The following FOXP2 variants were observed in gnomAD, a reference collection of about 807,000 sequenced individuals.
FOXP2 encodes the protein forkhead box protein P2.
Under a neutral mutation model 115.8 loss-of-function variants are expected in FOXP2, and 12 were observed. The ratio of observed to expected loss-of-function variants is 0.10; its 90% confidence interval spans 0.07 to 0.17. FOXP2 has a LOEUF of 0.17. FOXP2 is among the 10% of genes least tolerant of loss of function. FOXP2 has a pLI of 1.00. For synonymous variants in FOXP2, 328 were observed against 297.7 expected (o/e 1.10, Z -1.05); for missense variants, 629 against 843.5 (o/e 0.75, Z 3.15).
chr7:114,430,163 A>T (rs528769009), intron 2 of FOXP2, among the ~76,000 whole-genome samples: 2 of 151,822 alleles, frequency 1.3e-5, no homozygotes, highest in South Asian at 4.1e-4. Flanking sequence ...CATTTTTAAA[A>T]TGCATAATTT....
intron 2 of FOXP2, among the ~76,000 whole-genome samples, chr7:114,324,577 T>C (rs1402725231): frequency 1.3e-5 from 2 of 151,890 alleles, no homozygotes; most frequent in Non-Finnish European, 3.0e-5. Flanking sequence ...TCTAGTTGCA[T>C]ATGACATGTG....
chr7:114,239,615 G>C (rs1795100778), intron 1 of FOXP2, among the ~76,000 whole-genome samples: 1 of 152,130 alleles, frequency 6.6e-6, no homozygotes, highest in Non-Finnish European at 1.5e-5. Context: ...CAGTGAATGT[G>C]AATGCTAGAT....
At chr7:114,472,345 C>CTT (rs1164348933) in intron 2 of FOXP2, among the ~76,000 whole-genome samples, 25 of 137,800 alleles carry the variant, frequency 1.8e-4, no homozygotes, top group African/African-American at 4.2e-4. Context: ...TTTATAAATT[C>CTT]TTTTTTTTTT....
At chr7:114,185,344 G>T (rs1054310321) in intron 1 of FOXP2, among the ~76,000 whole-genome samples, 1 of 151,924 alleles carries the variant, frequency 6.6e-6, no homozygotes, top group Non-Finnish European at 1.5e-5. Context: ...TTTATTCCCC[G>T]TTCTGACAAT....
At position 114,352,865 on chromosome 7, in the gene FOXP2, T is replaced by TA. The variant is rs553408693; in HGVS notation, c.-11+64757dup. On this transcript the variant is annotated intron_variant, in intron 2 of 17. Transcript: ENST00000634411. ...AGAATAATTCTAATAGTTTAAAATT[T>TA]ATATTTACAGTGTTCTTCACAATAT... Among the ~76,000 whole-genome samples the TA allele has an allele frequency of 3.0e-3, 454 of 152,294 alleles. 1 individual carries two copies. The highest frequency in any genetic ancestry group is 0.011 in the South Asian group (55 of 4,828).
At chr7:114,142,359 A>G (rs760006643) in intron 1 of FOXP2, among the ~76,000 whole-genome samples, 9 of 152,190 alleles carry the variant, frequency 5.9e-5, no homozygotes, top group Admixed American at 5.2e-4. Flanking sequence ...TTTTAAGCTT[A>G]GGAAGCACAA....
At chr7:114,249,498 G>C (rs1490612458) in intron 1 of FOXP2, among the ~76,000 whole-genome samples, 1 of 152,014 alleles carries the variant, frequency 6.6e-6, no homozygotes, top group Non-Finnish European at 1.5e-5. Context: ...GTTTGGTGAG[G>C]ATAATGGCTT....
chr7:114,657,337 G>T (rs901310415), intron 10 of FOXP2, among the ~76,000 whole-genome samples: 1 of 152,046 alleles, frequency 6.6e-6, no homozygotes, highest in Non-Finnish European at 1.5e-5. Flanking sequence ...AAGTGACACT[G>T]TAATCATAAA....
chr7:114,155,201 C>G (rs1479323199), intron 1 of FOXP2, among the ~76,000 whole-genome samples: 1 of 152,052 alleles, frequency 6.6e-6, no homozygotes, highest in Non-Finnish European at 1.5e-5. Context: ...ATGGACCCAC[C>G]TCTCATCCAG....
At chr7:114,659,281 A>G in intron 11 of FOXP2, 75 bp from the exon 12 acceptor site, 1 of 1,070,444 alleles carries the variant, frequency 9.3e-7, no homozygotes. Flanking sequence ...TACCAATACT[A>G]GAGGAAATAT....
chr7:114,545,881 C>T (rs1799898802), intron 3 of FOXP2, among the ~76,000 whole-genome samples: 1 of 152,110 alleles, frequency 6.6e-6, no homozygotes, highest in African/African-American at 2.4e-5. Context: ...CCATCCTCAC[C>T]AGCACACACA....
chr7:114,684,694 C>A (rs993231131), intron 16 of FOXP2, among the ~76,000 whole-genome samples: 2 of 152,022 alleles, frequency 1.3e-5, no homozygotes, highest in African/African-American at 4.8e-5. Flanking sequence ...CAGATTAAAC[C>A]AGGAAAATCT....
chr7:114,399,388 G>A (rs542771090), intron 2 of FOXP2, among the ~76,000 whole-genome samples: 1 of 152,074 alleles, frequency 6.6e-6, no homozygotes, highest in Non-Finnish European at 1.5e-5. Flanking sequence ...GATTACAGGT[G>A]TGAGCCAATG....
rs541540533 is a variant in FOXP2 at position 114,448,021 on chromosome 7, T to A, written c.168+21342T>A. Among the ~76,000 whole-genome samples, 50 of 152,268 alleles carry A rather than the reference T, an allele frequency of 3.3e-4. 1 individual carries two copies. In the South Asian group the frequency reaches 8.3e-3, roughly 25 times the overall value. ...AAAAATGTATTTAATCTGTTCACTGTCACTTATAGATTGAGTATAAAATAA... is the reference window on the plus strand; with the variant it reads ...AAAAATGTATTTAATCTGTTCACTGACACTTATAGATTGAGTATAAAATAA... On this transcript the variant is annotated intron_variant, in intron 2 of 16. Transcript: ENST00000350908.
intron 2 of FOXP2, among the ~76,000 whole-genome samples, chr7:114,348,269 A>AAAAAAAAAGCT (rs1791395446): frequency 6.6e-6 from 1 of 152,054 alleles, no homozygotes; most frequent in South Asian, 2.1e-4. Context: ...TTTTTTCTTA[A>AAAAAAAAAGCT]TATGGATGAC....
chr7:114,646,171 A>G (rs1429941877), intron 8 of FOXP2, among the ~76,000 whole-genome samples: 1 of 151,636 alleles, frequency 6.6e-6, no homozygotes, highest in Non-Finnish European at 1.5e-5. Flanking sequence ...TTATCAATGT[A>G]TTATTCCTTG....
intron 1 of FOXP2, among the ~76,000 whole-genome samples, chr7:114,424,087 G>A (rs564651360): frequency 1.3e-5 from 2 of 151,420 alleles, no homozygotes; most frequent in African/African-American, 2.4e-5. Flanking sequence ...CAAGGGCTAA[G>A]AATAAAATCC....
chr7:114,183,354 T>G (rs1027106153), intron 1 of FOXP2, among the ~76,000 whole-genome samples: 4 of 152,156 alleles, frequency 2.6e-5, no homozygotes, highest in Non-Finnish European at 5.9e-5. Context: ...ACTATTAAAC[T>G]GTCAGTTAAA....
At chr7:114,579,736 A>T (rs1260737950) in intron 3 of FOXP2, among the ~76,000 whole-genome samples, 1 of 152,130 alleles carries the variant, frequency 6.6e-6, no homozygotes, top group Non-Finnish European at 1.5e-5. Context: ...ACACTTTTGG[A>T]ATTATTCTTA....
Sources: allele counts gnomAD v4.1 joint callset (sites outside exome capture counted in the v4.1 genomes callset), GRCh38; gene constraint gnomAD v4.1.1; transcripts MANE v1.5; gene names NCBI Gene and HGNC (gene_info 2026-07-23, HGNC 2026-07-21).